The following CAPZB variants were observed in gnomAD, a reference collection of about 807,000 sequenced individuals.
CAPZB encodes capping actin protein of muscle Z-line subunit beta.
CAPZB carries 2 observed loss-of-function variants against 38.1 expected under a neutral mutation model. The observed-to-expected ratio is 0.05, with a 90% confidence interval of 0.02 to 0.17. CAPZB has a LOEUF of 0.17. Among genes scored for constraint, CAPZB ranks in the 10% least tolerant of loss-of-function variants. The probability of loss-of-function intolerance (pLI) is 1.00; values close to 1 mark genes in which losing one functional copy is unlikely to be tolerated. For missense variants in CAPZB, 161 were observed against 334.2 expected, an observed-to-expected ratio of 0.48 and a Z score of 4.04; for synonymous variants, 107 against 127.4, an observed-to-expected ratio of 0.84 and a Z score of 1.08.
At chr1:19,340,804 A>G (rs535016713) in intron 8 of CAPZB, among the ~76,000 whole-genome samples, 24 of 152,320 alleles carry the variant, frequency 1.6e-4, no homozygotes, top group African/African-American at 5.5e-4. Context: ...TTTACCCAAC[A>G]TATTGGTTAG....
intron 1 of CAPZB, among the ~76,000 whole-genome samples, chr1:19,458,544 CG>C (rs1369818427): frequency 6.6e-6 from 1 of 152,136 alleles, no homozygotes; most frequent in East Asian, 1.9e-4. Context: ...TTAGTAGAGA[CG>C]GGGTTTCGCC....
intron 1 of CAPZB, among the ~76,000 whole-genome samples, chr1:19,435,925 G>C (rs773789722): frequency 2.6e-5 from 4 of 152,192 alleles, no homozygotes; most frequent in Non-Finnish European, 4.4e-5. Flanking sequence ...AGTGAGGAAG[G>C]CAGCACCGCT....
chr1:19,428,990 T>G (rs928418694), intron 1 of CAPZB, among the ~76,000 whole-genome samples: 1 of 152,226 alleles, frequency 6.6e-6, no homozygotes, highest in Non-Finnish European at 1.5e-5. Flanking sequence ...AGGTATCAAC[T>G]TTTTAAAAAA....
chr1:19,377,387 T>C lies in CAPZB; in HGVS notation c.329+1153A>G, dbSNP rs1044965813. Among the ~76,000 whole-genome samples, 11 of 152,352 alleles carry C rather than the reference T, an allele frequency of 7.2e-5. No homozygotes were observed. In the East Asian group the frequency reaches 2.1e-3, roughly 29 times the overall value. ...TGTCCTGTGGTCTTGTGTGAGTCAT[T>C]TAACCTCTTGGAACCTTGGTCTCAT... is the stretch of plus-strand genomic sequence containing the variant. On this transcript the variant is annotated intron_variant, in intron 4 of 8. Transcript: ENST00000264202.
At chr1:19,348,140 C>A (rs2093972040) in intron 6 of CAPZB, among the ~76,000 whole-genome samples, 1 of 152,174 alleles carries the variant, frequency 6.6e-6, no homozygotes, top group Non-Finnish European at 1.5e-5. Context: ...GCATTCCCAC[C>A]CCATCGCGTG....
intron 1 of CAPZB, among the ~76,000 whole-genome samples, chr1:19,441,678 GA>G (rs370513735): frequency 0.2 from 26,988 of 134,416 alleles, 2,741 homozygotes; most frequent in South Asian, 0.32. Flanking sequence ...GGCAGACAGA[GA>G]AAAAAAAAAA....
At chr1:19,461,055 G>C (rs1161962774) in intron 1 of CAPZB, among the ~76,000 whole-genome samples, 1 of 132,310 alleles carries the variant, frequency 7.6e-6, no homozygotes, top group Non-Finnish European at 1.6e-5. Context: ...CAAGCTTCAA[G>C]TAGGCAGAGC....
At chr1:19,355,109 G>C (rs1403045987) in intron 6 of CAPZB, among the ~76,000 whole-genome samples, 1 of 152,216 alleles carries the variant, frequency 6.6e-6, no homozygotes, top group Non-Finnish European at 1.5e-5. Flanking sequence ...GAGGGTCCCA[G>C]GTATGACGGC....
At chr1:19,352,770 G>C (rs1314970586) in intron 6 of CAPZB, among the ~76,000 whole-genome samples, 1 of 152,270 alleles carries the variant, frequency 6.6e-6, no homozygotes, top group Non-Finnish European at 1.5e-5. Context: ...TGACGTCCCT[G>C]AGAAACATCT....
At chr1:19,474,828 G>A (rs2094601461) in intron 1 of CAPZB, among the ~76,000 whole-genome samples, 1 of 152,244 alleles carries the variant, frequency 6.6e-6, no homozygotes. Flanking sequence ...GGCATGCCTG[G>A]GTGGGCCACT....
At chr1:19,448,150 C>A (rs1034681531) in intron 1 of CAPZB, among the ~76,000 whole-genome samples, 1 of 152,214 alleles carries the variant, frequency 6.6e-6, no homozygotes, top group Non-Finnish European at 1.5e-5. Flanking sequence ...GGGCCACAGT[C>A]TATAGGATGG....
chr1:19,480,130 T>A (rs2094622340), intron 1 of CAPZB, among the ~76,000 whole-genome samples: 1 of 152,186 alleles, frequency 6.6e-6, no homozygotes, highest in Non-Finnish European at 1.5e-5. Context: ...AAGTCTTTTC[T>A]AGTACTACTT....
rs186796777 is a variant in CAPZB at position 19,421,880 on chromosome 1, A to G, written c.4-2130T>C. On this transcript the variant is annotated intron_variant, in intron 1 of 8. Transcript: ENST00000264202. Reference sequence around the variant, plus strand: ...TAGTATGTGTTTAATGATTGGGGATATTGAGTGCATACAAATAAACATACA... The same window carrying G: ...TAGTATGTGTTTAATGATTGGGGATGTTGAGTGCATACAAATAAACATACA... 2.0e-3 allele frequency among the ~76,000 whole-genome samples: 303 copies of G among 152,336 alleles called. 1 individual carries two copies. The highest frequency in any genetic ancestry group is 3.9e-3 in the Non-Finnish European group (263 of 68,030).
intron 1 of CAPZB, among the ~76,000 whole-genome samples, chr1:19,458,947 T>C (rs2094541839): frequency 6.6e-6 from 1 of 152,222 alleles, no homozygotes; most frequent in African/African-American, 2.4e-5. Flanking sequence ...GGCACCTCCA[T>C]GTGGAACATT....
intron 6 of CAPZB, among the ~76,000 whole-genome samples, chr1:19,351,660 G>C (rs1035278107): frequency 2.0e-5 from 3 of 152,156 alleles, no homozygotes; most frequent in African/African-American, 7.2e-5. Flanking sequence ...CACACAGCTG[G>C]AAAGTTCCTG....
intron 1 of CAPZB, among the ~76,000 whole-genome samples, chr1:19,441,678 G>GA (rs370513735): frequency 0.011 from 1,423 of 134,286 alleles, 10 homozygotes; most frequent in African/African-American, 0.027. Flanking sequence ...GGCAGACAGA[G>GA]AAAAAAAAAA....
intron 1 of CAPZB, among the ~76,000 whole-genome samples, chr1:19,471,731 G>T (rs184313527): frequency 9.2e-5 from 14 of 152,200 alleles, no homozygotes; most frequent in Non-Finnish European, 1.3e-4. Flanking sequence ...GCCAGGCGTG[G>T]TGGCGGGCGC....
chr1:19,391,812 A>C (rs1031468790), intron 2 of CAPZB, among the ~76,000 whole-genome samples: 23 of 152,330 alleles, frequency 1.5e-4, no homozygotes, highest in Admixed American at 1.1e-3. Flanking sequence ...TGTCAGGTGC[A>C]AGGGCTCAGC....
chr1:19,449,959 T>A (rs568677052), intron 1 of CAPZB, among the ~76,000 whole-genome samples: 1 of 151,108 alleles, frequency 6.6e-6, no homozygotes, highest in Non-Finnish European at 1.5e-5. Context: ...CTGGGCAACA[T>A]AAGGAGACTC....
Sources: gnomAD v4.1 joint callset for allele counts (sites outside exome capture counted in the v4.1 genomes callset) on GRCh38, gnomAD v4.1.1 for gene constraint, MANE v1.5 for transcripts, NCBI Gene and HGNC (gene_info 2026-07-23, HGNC 2026-07-21) for gene names.